TPCN2: variants seen among roughly 807,000 people sequenced by gnomAD.
TPCN2 encodes the protein two pore segment channel 2, also known as two pore channel protein 2.
A neutral mutation model predicts 111.4 loss-of-function variants in TPCN2; 92 were observed. The observed-to-expected ratio is 0.83, with a 90% CI of 0.70 to 0.98. TPCN2 has a LOEUF of 0.98. Among genes scored for constraint, TPCN2 ranks in the 50% least tolerant of loss-of-function variants. TPCN2 has a pLI of 0.00. For missense variants in TPCN2, 995 were observed against 980.1 expected, an observed-to-expected ratio of 1.02 and a Z score of -0.20; for synonymous variants, 405 against 414.5, an observed-to-expected ratio of 0.98 and a Z score of 0.28.
At chr11:69,084,620 G>C (rs1047748384) in intron 19 of TPCN2, 2 of 985,456 alleles carry the variant, frequency 2.0e-6, no homozygotes, top group East Asian at 2.3e-4. Context: ...GGCGCCCTTT[G>C]CAGGAAGCCC....
chr11:69,056,312 G>A (rs1481137168), intron 4 of TPCN2, among the ~76,000 whole-genome samples: 1 of 152,224 alleles, frequency 6.6e-6, no homozygotes, highest in African/African-American at 2.4e-5. Context: ...GAGGGTTGTG[G>A]CTGGATGCTG....
chr11:69,071,657 G>A (rs1855540320), intron 10 of TPCN2, among the ~76,000 whole-genome samples: 2 of 152,238 alleles, frequency 1.3e-5, no homozygotes, highest in South Asian at 4.1e-4. Flanking sequence ...GGGAGCTGGG[G>A]GCGCCCCCAA....
intron 4 of TPCN2, 133 bp from the exon 5 acceptor site, chr11:69,057,445 C>A (rs188641773): frequency 1.8e-4 from 149 of 827,102 alleles, no homozygotes; most frequent in Non-Finnish European, 2.8e-4. Context: ...GCTCTGCGTC[C>A]CGTGGGGACC....
At chr11:69,055,778 G>A (rs1177979192) in intron 4 of TPCN2, among the ~76,000 whole-genome samples, 1 of 152,170 alleles carries the variant, frequency 6.6e-6, no homozygotes, top group Non-Finnish European at 1.5e-5. Flanking sequence ...TGCGCAGGCT[G>A]ACAGGGCCTC....
In TPCN2 at chr11:69,073,946, C is replaced by T. The variant is rs117589747; in HGVS notation, c.1230+945C>T. Among the ~76,000 whole-genome samples, 1,067 of 151,410 alleles carry T rather than the reference C, an allele frequency of 7.0e-3. 6 individuals are homozygous for T. The highest frequency in any genetic ancestry group is 0.013 in the Non-Finnish European group (860 of 67,650). ...ATCCCTCTGTGTGTCATCTCCTCCT[C>T]TTATAAGGACCCTATTCAGATTGGA... On this transcript the variant is annotated intron_variant, in intron 13 of 24. Transcript: ENST00000294309.
At chr11:69,053,352 A>T (rs951818274) in intron 1 of TPCN2, among the ~76,000 whole-genome samples, 1 of 152,098 alleles carries the variant, frequency 6.6e-6, no homozygotes, top group Non-Finnish European at 1.5e-5. Flanking sequence ...GCCTGGGCCC[A>T]TGGACCGGGA....
intron 5 of TPCN2, 65 bp downstream of exon 5, chr11:69,057,759 CG>C: frequency 6.8e-7 from 1 of 1,475,778 alleles, no homozygotes. Context: ...GCAAGGCCCA[CG>C]GGGGTGCTGG....
chr11:69,077,661 C>G (rs115311459), intron 13 of TPCN2, among the ~76,000 whole-genome samples: 375 of 152,280 alleles, frequency 2.5e-3, no homozygotes, highest in African/African-American at 8.3e-3. Context: ...TTGCTTTGTT[C>G]TTCTTTGACG....
intron 2 of TPCN2, 102 bp downstream of exon 2, chr11:69,054,199 T>A: frequency 1.1e-6 from 1 of 915,658 alleles, no homozygotes; most frequent in Non-Finnish European, 1.7e-6. Context: ...CCTCCATTGC[T>A]GGACTGTAGG....
rs545615488 is a variant in TPCN2, at chr11:69,074,994, G to A, written c.1230+1993G>A. Among the ~76,000 whole-genome samples the A allele has an allele frequency of 7.9e-5, 12 of 152,332 alleles. No individual in the cohort carries two copies. The South Asian group carries it at 2.5e-3, about 32-fold the overall frequency. On this transcript the variant is annotated intron_variant, in intron 13 of 24. Transcript: ENST00000294309. ...GGGGTTCCTCCTCCCGTGATGATGT[G>A]GAGGAAGGGCGGATGGATTGCTTTG...
chr11:69,087,130 G>T lies in TPCN2; in HGVS notation c.2104G>T (p.Asp702Tyr). 6.2e-7 allele frequency: 1 copy of T among 1,613,838 alleles called. No individual in the cohort carries two copies. Among genetic ancestry groups the T allele is most frequent in the Non-Finnish European group, 8.5e-7 (1 of 1,179,852 alleles). Residue 702 changes from aspartate to tyrosine, a missense_variant, in exon 24 of 25, where the codon GAC (aspartate) becomes TAC (tyrosine). By Grantham distance (160) the Asp-to-Tyr change is radical (BLOSUM62 -3). Coordinates refer to ENST00000294309, the MANE Select transcript of TPCN2 (RefSeq NM_139075.4). ...TTGCCAGAACTTCCTTCACAAGTGGGACCCCCGCAGCCACCTGCAGCCCCT... is the reference window on the plus strand; with the variant it reads ...TTGCCAGAACTTCCTTCACAAGTGGTACCCCCGCAGCCACCTGCAGCCCCT... Reference protein sequence around the residue: ...LILENFLHKWDPRSHLQPLAG... With the variant: ...LILENFLHKWYPRSHLQPLAG...
At chr11:69,073,047 A>G in intron 13 of TPCN2, 46 bp downstream of exon 13, 2 of 1,412,572 alleles carry the variant, frequency 1.4e-6, no homozygotes, top group Non-Finnish European at 1.0e-6. Flanking sequence ...GGGGCCTTCC[A>G]GTTTCCCCTG....
chr11:69,051,992 G>C (rs1020684707), intron 1 of TPCN2, among the ~76,000 whole-genome samples: 2 of 152,200 alleles, frequency 1.3e-5, no homozygotes, highest in African/African-American at 4.8e-5. Flanking sequence ...GCTTCTGAGT[G>C]TTTGGAACGA....
intron 6 of TPCN2, among the ~76,000 whole-genome samples, chr11:69,063,229 GCCCCAGCTCGAAGGCTGCTGAGT>G (rs888885896): frequency 1.3e-5 from 2 of 151,724 alleles, no homozygotes; most frequent in Non-Finnish European, 2.9e-5. Context: ...AAACACCGCG[GCCCCAGCTCGAAGGCTGCTGAGT>G]CCCATGGGCA....
rs928058874 is a variant in TPCN2 at position 69,071,975 on chromosome 11, T to C, written c.1013T>C (p.Phe338Ser). The change falls in exon 11 of 25, where the codon TTT becomes TCT. Residue 338 changes from phenylalanine (F) to serine (S), a missense_variant. Physicochemically the swap from Phe to Ser is radical, Grantham distance 155 (BLOSUM62 -2). Coordinates refer to ENST00000294309, the MANE Select transcript of TPCN2 (RefSeq NM_139075.4). ...FRRRLGTRAAFEVLSSMVGEG... is the reference protein window; with the variant it reads ...FRRRLGTRAASEVLSSMVGEG... ...AGGCGGCTGGGAACCCGGGCTGCCT[T>C]TGAAGTCCTATCCTCCATGGTGGGG... 1 of 1,614,042 alleles carries C rather than the reference T, an allele frequency of 6.2e-7. No individual in the cohort carries two copies.
At chr11:69,080,459 A>G (rs1434856223) in intron 17 of TPCN2, among the ~76,000 whole-genome samples, 2 of 152,170 alleles carry the variant, frequency 1.3e-5, no homozygotes, top group East Asian at 3.9e-4. Context: ...GGGACCCTGG[A>G]GCCTCGTGGC....
At chr11:69,053,294 C>A (rs1172344237) in intron 1 of TPCN2, among the ~76,000 whole-genome samples, 2 of 152,236 alleles carry the variant, frequency 1.3e-5, no homozygotes. Context: ...GGCTGGGGGA[C>A]TCGGGCGTTC....
At chr11:69,085,370 T>C (rs560225884) in intron 20 of TPCN2, 84 bp downstream of exon 20, 487 of 1,326,718 alleles carry the variant, frequency 3.7e-4, no homozygotes, top group Middle Eastern at 7.2e-4. Context: ...CTCAGTGGGC[T>C]CAGCATCTCA....
Position 69,057,707 on chromosome 11 carries a change from G to A in TPCN2, c.546+13G>A, listed in dbSNP as rs370615428. 1 of 1,610,914 alleles carries A rather than the reference G, an allele frequency of 6.2e-7. No individual in the cohort carries two copies. Among genetic ancestry groups the A allele is most frequent in the African/African-American group, 1.3e-5 (1 of 74,872 alleles). ...CGTGTGTCATGAGGTAGGTGGTGAG[G>A]CAGCCCTGAGACAGATGGAGAGATC... On this transcript the variant is annotated intron_variant, in intron 5 of 24. Transcript: ENST00000294309.
Sources: allele counts gnomAD v4.1 joint callset (sites outside exome capture counted in the v4.1 genomes callset), GRCh38; gene constraint gnomAD v4.1.1; transcripts MANE v1.5; gene names NCBI Gene and HGNC (gene_info 2026-07-23, HGNC 2026-07-21).